GALNTL6: variants seen among roughly 807,000 people sequenced by gnomAD.
The protein encoded by GALNTL6 is polypeptide N-acetylgalactosaminyltransferase-like 6.
GALNTL6 carries 46 observed loss-of-function variants against 73.7 expected under a neutral mutation model. That is an observed-to-expected ratio of 0.62 (90% CI 0.49 to 0.80). The LOEUF (loss-of-function observed/expected upper bound fraction) is 0.80, where lower values mean the gene tolerates loss of function less well. Ranked by LOEUF, GALNTL6 falls within the 30% of genes least tolerant of loss-of-function variation. GALNTL6 has a pLI of 0.00. For synonymous variants in GALNTL6, 259 were observed against 263.7 expected, an observed-to-expected ratio of 0.98 and a Z score of 0.17; for missense variants, 604 against 755.0, an observed-to-expected ratio of 0.80 and a Z score of 2.34.
intron 8 of GALNTL6, among the ~76,000 whole-genome samples, chr4:172,929,599 C>T (rs1220102775): frequency 1.3e-5 from 2 of 152,156 alleles, no homozygotes; most frequent in Non-Finnish European, 2.9e-5. Flanking sequence ...GTTCTATTAA[C>T]ACCTTCATCC....
chr4:172,875,581 AC>A (rs1703136045), intron 7 of GALNTL6, among the ~76,000 whole-genome samples: 1 of 152,020 alleles, frequency 6.6e-6, no homozygotes, highest in South Asian at 2.1e-4. Flanking sequence ...AGTGTGGGTG[AC>A]CCCAGCAGAT....
intron 3 of GALNTL6, among the ~76,000 whole-genome samples, chr4:172,278,882 T>C (rs2111074334): frequency 6.6e-6 from 1 of 152,192 alleles, no homozygotes; most frequent in Non-Finnish European, 1.5e-5. Context: ...CACAGGCCAA[T>C]GGACTGCAAT....
chr4:172,541,284 T>TTA lies in GALNTL6; in HGVS notation c.553+192596_553+192597dup, dbSNP rs139612312. 0.011 allele frequency among the ~76,000 whole-genome samples: 1,715 copies of TTA among 152,310 alleles called. 123 individuals are homozygous for TTA. In the South Asian group the frequency reaches 0.14, roughly 12 times the overall value. ...TTAATGCCACAAATCATATGTTTTGTTAGTCTTATGATCTCTATTTTACTA... is the reference window on the plus strand; with the variant it reads ...TTAATGCCACAAATCATATGTTTTGTTATAGTCTTATGATCTCTATTTTACTA... On this transcript the variant is annotated intron_variant, in intron 5 of 12. Transcript: ENST00000506823.
chr4:171,836,167 C>A lies in GALNTL6; in HGVS notation c.138+21449C>A, dbSNP rs149901667. On this transcript the variant is annotated intron_variant, in intron 2 of 12. Transcript: ENST00000506823. ...TGAAACAGTTAATTTGATATCAGAC[C>A]CTCAAGAAAATGGGGTTGGGCTAGA... Among the ~76,000 whole-genome samples the A allele has an allele frequency of 2.8e-3, 424 of 152,060 alleles. 7 individuals are homozygous for A. Among genetic ancestry groups the A allele is most frequent in the South Asian group, 0.025 (122 of 4,818 alleles).
chr4:172,584,072 AGG>A (rs1417893471), intron 5 of GALNTL6, among the ~76,000 whole-genome samples: 1 of 152,124 alleles, frequency 6.6e-6, no homozygotes, highest in African/African-American at 2.4e-5. Context: ...AGACAAAACA[AGG>A]CAACAATGAT....
At chr4:172,054,272 G>A (rs538603677) in intron 2 of GALNTL6, among the ~76,000 whole-genome samples, 4 of 151,904 alleles carry the variant, frequency 2.6e-5, no homozygotes, top group Non-Finnish European at 5.9e-5. Context: ...TTTATAACAG[G>A]GTTTTCAATC....
At chr4:172,813,222 T>C (rs934025066) in intron 6 of GALNTL6, among the ~76,000 whole-genome samples, 2 of 152,160 alleles carry the variant, frequency 1.3e-5, no homozygotes, top group African/African-American at 4.8e-5. Flanking sequence ...CTGCACATGT[T>C]CGATTCACGA....
chr4:172,239,578 A>G (rs1373737513), intron 3 of GALNTL6, among the ~76,000 whole-genome samples: 5 of 151,280 alleles, frequency 3.3e-5, no homozygotes, highest in Admixed American at 2.6e-4. Flanking sequence ...TTATGTCTCA[A>G]TTTCATTCGG....
Position 171,851,815 on chromosome 4 carries a change from A to AACTT in GALNTL6, c.138+37098_138+37101dup, listed in dbSNP as rs1166078613. Reference sequence around the variant, plus strand: ...ATTAAATTGATCTAGACAACAGTTCAACTTCCTCAAACATAAATATTTCAA... The same window carrying AACTT: ...ATTAAATTGATCTAGACAACAGTTCAACTTACTTCCTCAAACATAAATATTTCAA... On this transcript the variant is annotated intron_variant, in intron 2 of 12. Coordinates refer to ENST00000506823, the MANE Select transcript of GALNTL6 (RefSeq NM_001034845.3). Among the ~76,000 whole-genome samples, 7 of 152,340 alleles carry AACTT rather than the reference A, an allele frequency of 4.6e-5. No individual in the cohort carries two copies. In the South Asian group the frequency reaches 1.4e-3, roughly 32 times the overall value.
chr4:172,726,385 T>C (rs1023094048), intron 5 of GALNTL6, among the ~76,000 whole-genome samples: 2 of 152,154 alleles, frequency 1.3e-5, no homozygotes, highest in Admixed American at 6.5e-5. Flanking sequence ...CCAATATAAG[T>C]AAGCATGTTA....
chr4:172,802,433 C>T (rs1579501833), intron 5 of GALNTL6, among the ~76,000 whole-genome samples: 2 of 152,170 alleles, frequency 1.3e-5, no homozygotes, highest in African/African-American at 4.8e-5. Context: ...AGAAACTCCC[C>T]AGACCTCCAC....
At chr4:172,908,399 ATTAT>A (rs1747018290) in intron 8 of GALNTL6, among the ~76,000 whole-genome samples, 2 of 152,254 alleles carry the variant, frequency 1.3e-5, no homozygotes, top group South Asian at 4.1e-4. Context: ...CCATTAAATT[ATTAT>A]TTAACATTAT....
At chr4:172,387,463 C>T (rs73868991) in intron 5 of GALNTL6, among the ~76,000 whole-genome samples, 3,725 of 152,180 alleles carry the variant, frequency 0.024, 157 homozygotes, top group African/African-American at 0.084. Context: ...GAATATGCTG[C>T]TACCTCCTGA....
At chr4:172,015,888 C>G (rs35065675) in intron 2 of GALNTL6, among the ~76,000 whole-genome samples, 17,936 of 143,624 alleles carry the variant, frequency 0.12, 2,757 homozygotes, top group African/African-American at 0.37. Flanking sequence ...GGCTTATAAG[C>G]TACCTGCTGA....
At chr4:172,389,305 A>C (rs1482759970) in intron 5 of GALNTL6, among the ~76,000 whole-genome samples, 4 of 152,048 alleles carry the variant, frequency 2.6e-5, no homozygotes, top group African/African-American at 9.7e-5. Flanking sequence ...AAAAAGAGAA[A>C]AAGAAAGATA....
chr4:171,879,653 A>G (rs1736382628), intron 2 of GALNTL6, among the ~76,000 whole-genome samples: 1 of 152,208 alleles, frequency 6.6e-6, no homozygotes, highest in Non-Finnish European at 1.5e-5. Context: ...TTCTTGTTTA[A>G]AAAAATGTGC....
At chr4:172,429,208 ATT>A (rs1491166016) in intron 5 of GALNTL6, among the ~76,000 whole-genome samples, 17 of 144,700 alleles carry the variant, frequency 1.2e-4, no homozygotes, top group Non-Finnish European at 2.1e-4. Flanking sequence ...ATTTTATTTT[ATT>A]TTATTTTATT....
At chr4:172,698,996 G>A (rs992822584) in intron 5 of GALNTL6, among the ~76,000 whole-genome samples, 21 of 151,856 alleles carry the variant, frequency 1.4e-4, no homozygotes, top group Admixed American at 1.2e-3. Flanking sequence ...CTCATAGTTC[G>A]GGAATCTGGG....
intron 2 of GALNTL6, among the ~76,000 whole-genome samples, chr4:172,009,906 G>C (rs1224093148): frequency 6.6e-6 from 1 of 152,010 alleles, no homozygotes; most frequent in Non-Finnish European, 1.5e-5. Flanking sequence ...GCAGCACAAG[G>C]CAAAAGGACT....
Sources: gnomAD v4.1 joint callset for allele counts (sites outside exome capture counted in the v4.1 genomes callset) on GRCh38, gnomAD v4.1.1 for gene constraint, MANE v1.5 for transcripts, NCBI Gene and HGNC (gene_info 2026-07-23, HGNC 2026-07-21) for gene names.